The following KCNK5 variants were observed in gnomAD, a reference collection of about 807,000 sequenced individuals.
The protein encoded by KCNK5 is potassium two pore domain channel subfamily K member 5, also known as potassium channel subfamily K member 5.
In KCNK5, 18 loss-of-function variants were observed where a neutral mutation model predicts 32.9. The observed-to-expected ratio is 0.55, with a 90% CI of 0.38 to 0.81. The LOEUF is 0.81. KCNK5 is among the 30% of genes least tolerant of loss of function. KCNK5 has a pLI of 0.00. For synonymous variants in KCNK5, 276 were observed against 275.3 expected, an observed-to-expected ratio of 1.00 and a Z score of -0.03; for missense variants, 507 against 651.0, an observed-to-expected ratio of 0.78 and a Z score of 2.41.
At chr6:39,222,478 GTTGTTCCCTCCCCTAC>G (rs1771570967) in intron 1 of KCNK5, among the ~76,000 whole-genome samples, 1 of 152,208 alleles carries the variant, frequency 6.6e-6, no homozygotes, top group South Asian at 2.1e-4. Context: ...TTTCTGAAAT[GTTGTTCCCTCCCCTAC>G]TTGAAAATTG....
chr6:39,191,737 T>C lies in KCNK5; in HGVS notation c.653A>G (p.Asn218Ser). The C allele has an allele frequency of 6.2e-7, 1 of 1,612,680 alleles. No homozygotes were observed. The highest frequency in any genetic ancestry group is 8.5e-7 in the Non-Finnish European group (1 of 1,178,946). The change falls in exon 5 of 5, where the codon AAC becomes AGC. Residue 218 changes from asparagine to serine, a missense_variant. By Grantham distance (46) the Asn-to-Ser change is conservative. This residue lies in a region of KCNK5 where 45 missense variants were observed against 107.6 expected (regional missense o/e 0.42). Transcript: ENST00000359534. The surrounding 1 kb of genome is among the most constrained non-coding windows in gnomAD (Gnocchi z 5.8). ...GAAGTAGCGGTACAGGGCGTGGTAG[T>C]TGGCGCTGGGGTTCACACCTGAGCG... ...DFVAGVNPSANYHALYRYFVE... is the reference protein window; with the variant it reads ...DFVAGVNPSASYHALYRYFVE...
rs1224656159 is a variant in KCNK5 at position 39,190,903 on chromosome 6, G to A, written c.1487C>T (p.Pro496Leu). 6.8e-7 allele frequency: 1 copy of A among 1,472,452 alleles called. No homozygotes were observed. Among genetic ancestry groups the A allele is most frequent in the Non-Finnish European group, 9.0e-7 (1 of 1,111,180 alleles). 91.2% of individuals were successfully genotyped at this position (1,472,452 alleles called of 1,614,324 possible). Reference protein sequence around the residue: ...LMNEYNKANSPKGT With the variant: ...LMNEYNKANSLKGT ...GCCGGCCCTGCCTCATGTGCCCTTG[G>A]GGCTGTTAGCCTTGTTGTACTCATT... is the stretch of plus-strand genomic sequence containing the variant. The change falls in exon 5 of 5, where the codon CCC becomes CTC. Residue 496 changes from proline (P) to leucine (L), a missense_variant. Transcript: ENST00000359534.
chr6:39,209,139 G>C (rs780203779), intron 1 of KCNK5, among the ~76,000 whole-genome samples: 1 of 152,046 alleles, frequency 6.6e-6, no homozygotes, highest in African/African-American at 2.4e-5. Flanking sequence ...TAAAGTTCAG[G>C]CTCCCTGACT....
chr6:39,191,857 C>T lies in KCNK5; in HGVS notation c.635-102G>A. The T allele has an allele frequency of 1.5e-6, 2 of 1,295,906 alleles. No homozygotes were observed. The highest frequency in any genetic ancestry group is 2.1e-6 in the Non-Finnish European group (2 of 933,834). 80.3% of individuals were successfully genotyped at this position (1,295,906 alleles called of 1,614,324 possible). Reference sequence around the variant, plus strand: ...TCTGAGCAGGGGTCAGGCCAGAGCACAGGACGGGGGTGCAGTGGGATAGAA... The same window carrying T: ...TCTGAGCAGGGGTCAGGCCAGAGCATAGGACGGGGGTGCAGTGGGATAGAA... On this transcript the variant is annotated intron_variant, in intron 4 of 4. Coordinates refer to ENST00000359534, the MANE Select transcript of KCNK5 (RefSeq NM_003740.4). This position sits in a 1 kb window ranked among gnomAD's most constrained non-coding sequence, Gnocchi z 5.8.
At chr6:39,209,246 T>G (rs192884127) in intron 1 of KCNK5, among the ~76,000 whole-genome samples, 1 of 152,134 alleles carries the variant, frequency 6.6e-6, no homozygotes, top group East Asian at 1.9e-4. Context: ...GATCCCCAAA[T>G]AGTGTAGGAA....
intron 1 of KCNK5, among the ~76,000 whole-genome samples, chr6:39,206,215 G>A (rs999374339): frequency 3.3e-5 from 5 of 152,206 alleles, no homozygotes; most frequent in Non-Finnish European, 5.9e-5. Flanking sequence ...CCGGAACTGG[G>A]CTGAGAAACA....
intron 1 of KCNK5, among the ~76,000 whole-genome samples, chr6:39,220,823 C>T (rs1771533558): frequency 6.6e-6 from 1 of 152,178 alleles, no homozygotes; most frequent in Non-Finnish European, 1.5e-5. Context: ...TCACCTGTTA[C>T]ATGTGCCAAA....
chr6:39,196,164 A>G (rs1771027603), intron 1 of KCNK5, among the ~76,000 whole-genome samples, 177 bp from the exon 2 acceptor site: 3 of 152,170 alleles, frequency 2.0e-5, no homozygotes, highest in Non-Finnish European at 4.4e-5. Flanking sequence ...TACCTGATTT[A>G]CCCAAGGTAA....
chr6:39,212,548 G>A (rs1771359811), intron 1 of KCNK5, among the ~76,000 whole-genome samples: 1 of 152,156 alleles, frequency 6.6e-6, no homozygotes, highest in South Asian at 2.1e-4. Flanking sequence ...CTGTGCTTGT[G>A]TTTTTCGTTC....
At position 39,198,883 on chromosome 6, in the gene KCNK5, G is replaced by A. The variant is rs143477862; in HGVS notation, c.187-2896C>T. On this transcript the variant is annotated intron_variant, in intron 1 of 4. Coordinates refer to ENST00000359534, the MANE Select transcript of KCNK5 (RefSeq NM_003740.4). ...CTTGTAGTAATCAATTTCTGATAAT[G>A]CAAAGTATTTAGACCAGGGTAGCCA... Among the ~76,000 whole-genome samples the A allele has an allele frequency of 2.6e-5, 4 of 152,322 alleles. No individual in the cohort carries two copies. The East Asian group carries it at 7.7e-4, about 29-fold the overall frequency.
chr6:39,218,125 T>C (rs1362483087), intron 1 of KCNK5, among the ~76,000 whole-genome samples: 3 of 149,710 alleles, frequency 2.0e-5, no homozygotes, highest in South Asian at 4.2e-4. Flanking sequence ...AGCTGGAGTG[T>C]AGAGGCGCGA....
chr6:39,205,250 G>A (rs576855089), intron 1 of KCNK5, among the ~76,000 whole-genome samples: 7 of 152,286 alleles, frequency 4.6e-5, no homozygotes, highest in African/African-American at 1.7e-4. Flanking sequence ...GCAGACACAG[G>A]GGACCTCGAG....
chr6:39,206,057 T>G (rs1469407015), intron 1 of KCNK5, among the ~76,000 whole-genome samples: 1 of 152,200 alleles, frequency 6.6e-6, no homozygotes, highest in Non-Finnish European at 1.5e-5. Context: ...ATGGATACAC[T>G]ATTCCCATTC....
Position 39,191,882 on chromosome 6 carries a change from A to T in KCNK5, c.635-127T>A. On this transcript the variant is annotated intron_variant, in intron 4 of 4. Transcript: ENST00000359534. The surrounding 1 kb of genome is among the most constrained non-coding windows in gnomAD (Gnocchi z 5.8). ...CAGGACGGGGGTGCAGTGGGATAGAAAGGGGCCTGTTCTAGACCCTGGACT... is the reference window on the plus strand; with the variant it reads ...CAGGACGGGGGTGCAGTGGGATAGATAGGGGCCTGTTCTAGACCCTGGACT... The T allele has an allele frequency of 1.0e-6, 1 of 988,194 alleles. No homozygotes were observed. Among genetic ancestry groups the T allele is most frequent in the Non-Finnish European group, 1.5e-6 (1 of 668,678 alleles). The allele number at this position is 988,194 out of a possible 1,614,324, so 61.2% of individuals were successfully genotyped here.
intron 1 of KCNK5, among the ~76,000 whole-genome samples, chr6:39,207,812 G>A (rs1291761472): frequency 1.3e-5 from 2 of 152,086 alleles, no homozygotes; most frequent in East Asian, 3.9e-4. Flanking sequence ...CTGTTCTCCT[G>A]GACACATCTG....
intron 4 of KCNK5, among the ~76,000 whole-genome samples, chr6:39,192,303 A>AAAAAAAAAAAC: frequency 2.0e-5 from 3 of 151,284 alleles, no homozygotes; most frequent in Admixed American, 6.6e-5. Context: ...AAAAAAAAAA[A>AAAAAAAAAAAC]AAAAAGTCAA....
intron 1 of KCNK5, among the ~76,000 whole-genome samples, chr6:39,196,395 C>A (rs530233365): frequency 2.6e-5 from 4 of 152,296 alleles, no homozygotes; most frequent in African/African-American, 9.6e-5. Flanking sequence ...AACCACTGCA[C>A]TAGATTAATT....
chr6:39,193,549 G>A (rs1209719938), intron 4 of KCNK5, among the ~76,000 whole-genome samples: 4 of 152,270 alleles, frequency 2.6e-5, no homozygotes, highest in African/African-American at 9.6e-5. Context: ...AAGTACATGT[G>A]TGGCTGGGGC....
chr6:39,190,997 G>A lies in KCNK5; in HGVS notation c.1393C>T (p.Pro465Ser). ...AKAPLNMGEF[P>S]SSSESTFTST... ...GTGAAGGTGGACTCGGAGGAGGAGGGGAACTCGCCCATGTTCAGGGGCGCC... is the reference window on the plus strand; with the variant it reads ...GTGAAGGTGGACTCGGAGGAGGAGGAGAACTCGCCCATGTTCAGGGGCGCC... Residue 465 changes from proline (P) to serine (S), a missense_variant, in exon 5 of 5, where the codon CCC becomes TCC. Around this residue, in one of 6 missense-constraint regions of KCNK5, gnomAD observed 252 missense variants for 250.8 expected, o/e 1.00. Transcript: ENST00000359534. 6.3e-7 allele frequency: 1 copy of A among 1,576,490 alleles called. No homozygotes were observed. Among genetic ancestry groups the A allele is most frequent in the Non-Finnish European group, 8.6e-7 (1 of 1,162,744 alleles).
Sources: gnomAD v4.1 joint callset for allele counts (sites outside exome capture counted in the v4.1 genomes callset) on GRCh38, gnomAD v4.1.1 for gene constraint, gnomAD v4.1.1 regional missense constraint, Gnocchi (gnomAD v3.1) non-coding constraint, MANE v1.5 for transcripts, NCBI Gene and HGNC (gene_info 2026-07-23, HGNC 2026-07-21) for gene names.